The following GLIS3 variants were observed in gnomAD, a reference collection of about 807,000 sequenced individuals.
GLIS3 encodes GLIS family zinc finger 3.
Under a neutral mutation model 78.6 loss-of-function variants are expected in GLIS3, and 53 were observed. The observed-to-expected ratio is 0.67, with a 90% CI of 0.54 to 0.85. The LOEUF (loss-of-function observed/expected upper bound fraction) is 0.85. Among genes scored for constraint, GLIS3 ranks in the 40% least tolerant of loss-of-function variants. GLIS3 has a pLI of 0.00. For missense variants in GLIS3, 1,703 were observed against 1,231.1 expected (o/e 1.38, Z -5.74); for synonymous variants, 684 against 509.9 (o/e 1.34, Z -4.60).
the GLIS3 span, among the ~76,000 whole-genome samples, chr9:4,408,726 CAAAA>C: frequency 3.5e-5 from 2 of 56,758 alleles, no homozygotes; most frequent in Admixed American, 2.0e-4. Context: ...GACTCTGTCT[CAAAA>C]AAAAAAAAAA....
At chr9:3,887,599 C>T (rs1326777732) in intron 7 of GLIS3, among the ~76,000 whole-genome samples, 1 of 152,212 alleles carries the variant, frequency 6.6e-6, no homozygotes, top group Non-Finnish European at 1.5e-5. Flanking sequence ...AATTACATTT[C>T]CACATCATGC....
rs550219728 is a variant in GLIS3, at chr9:4,257,013, A to T, written c.388+29025T>A. On this transcript the variant is annotated intron_variant, in intron 2 of 10. Transcript: ENST00000381971. ...ACATACATATTAACACATATATAGT[A>T]CATATATGTGTTAATATTAATGTAC... 2.6e-5 allele frequency among the ~76,000 whole-genome samples: 4 copies of T among 152,324 alleles called. No individual in the cohort carries two copies. The East Asian group carries it at 7.7e-4, about 29-fold the overall frequency.
intron 2 of GLIS3, among the ~76,000 whole-genome samples, chr9:4,160,414 C>T (rs1336225966): frequency 1.3e-5 from 2 of 152,200 alleles, no homozygotes; most frequent in East Asian, 1.9e-4. Flanking sequence ...GGATCTGATG[C>T]CAGGAAAATG....
chr9:4,196,817 C>T (rs927804207), intron 2 of GLIS3, among the ~76,000 whole-genome samples: 2 of 152,110 alleles, frequency 1.3e-5, no homozygotes, highest in Non-Finnish European at 2.9e-5. Context: ...ACAGTTTCTA[C>T]CACACAATGA....
chr9:3,863,538 G>C (rs978527709), intron 8 of GLIS3, among the ~76,000 whole-genome samples: 1 of 152,234 alleles, frequency 6.6e-6, no homozygotes, highest in East Asian at 1.9e-4. Context: ...CTCCCTATGA[G>C]AGGCTGGGTC....
At chr9:4,161,851 T>G (rs1014248276) in intron 2 of GLIS3, among the ~76,000 whole-genome samples, 3 of 212 alleles carry the variant, frequency 0.014, no homozygotes, top group Non-Finnish European at 0.12. Flanking sequence ...TAATTTTTGT[T>G]TTTTTTTTTT....
At chr9:4,478,734 A>T in the GLIS3 span, among the ~76,000 whole-genome samples, 1 of 152,234 alleles carries the variant, frequency 6.6e-6, no homozygotes, top group African/African-American at 2.4e-5. Flanking sequence ...TATTTAGGGT[A>T]ACCAAATAGT....
At chr9:3,980,263 G>C (rs1048336084) in intron 4 of GLIS3, among the ~76,000 whole-genome samples, 1 of 152,164 alleles carries the variant, frequency 6.6e-6, no homozygotes, top group Admixed American at 6.5e-5. Flanking sequence ...CTTTAAAGCT[G>C]GCATAATTCC....
upstream of GLIS3, among the ~76,000 whole-genome samples, chr9:4,304,483 C>T (rs542595278): frequency 5.9e-5 from 9 of 152,166 alleles, no homozygotes; most frequent in Admixed American, 2.0e-4. Context: ...TGACCCTCTC[C>T]TGTCTGACAC....
At chr9:4,119,205 A>G (rs893939580) in intron 3 of GLIS3, among the ~76,000 whole-genome samples, 4 of 152,236 alleles carry the variant, frequency 2.6e-5, no homozygotes, top group African/African-American at 9.6e-5. Context: ...TATGGGGGAA[A>G]AAGGATAGAG....
At chr9:3,889,010 T>C (rs1220431211) in intron 7 of GLIS3, among the ~76,000 whole-genome samples, 2 of 152,222 alleles carry the variant, frequency 1.3e-5, no homozygotes, top group Non-Finnish European at 2.9e-5. Flanking sequence ...TGCTTTACTT[T>C]AGGCTTTAAT....
At chr9:4,325,413 C>T (rs1052154415) in intron 2 of GLIS3, among the ~76,000 whole-genome samples, 8 of 152,184 alleles carry the variant, frequency 5.3e-5, no homozygotes, top group African/African-American at 1.9e-4. Flanking sequence ...GTTTAAGGAA[C>T]AACATACAGT....
At chr9:4,068,424 C>T (rs940282756) in intron 4 of GLIS3, among the ~76,000 whole-genome samples, 1 of 151,882 alleles carries the variant, frequency 6.6e-6, no homozygotes, top group African/African-American at 2.4e-5. Flanking sequence ...TTATAACTTC[C>T]AAGTTGCAAA....
intron 2 of GLIS3, among the ~76,000 whole-genome samples, chr9:4,203,003 C>G (rs780148639): frequency 1.3e-5 from 2 of 152,088 alleles, no homozygotes; most frequent in Non-Finnish European, 2.9e-5. Flanking sequence ...AACTTCTATA[C>G]GGCAAAAGAA....
intron 2 of GLIS3, among the ~76,000 whole-genome samples, chr9:4,224,521 C>G (rs1253877321): frequency 1.3e-5 from 2 of 152,012 alleles, no homozygotes; most frequent in African/African-American, 4.8e-5. Flanking sequence ...ACTATTTAAC[C>G]TTATGGACAC....
chr9:4,402,392 A>T, the GLIS3 span, among the ~76,000 whole-genome samples: 1 of 152,226 alleles, frequency 6.6e-6, no homozygotes, highest in Non-Finnish European at 1.5e-5. Context: ...TACAATAAGT[A>T]CCAAACTCTT....
chr9:4,068,658 C>G (rs528386937), intron 4 of GLIS3, among the ~76,000 whole-genome samples: 1 of 152,294 alleles, frequency 6.6e-6, no homozygotes, highest in African/African-American at 2.4e-5. Context: ...CATTTGTCAT[C>G]ACCTGCAAAG....
At chr9:4,125,650 G>T (rs1832516606) in intron 3 of GLIS3, 84 bp downstream of exon 3, 1 of 887,620 alleles carries the variant, frequency 1.1e-6, no homozygotes, top group Non-Finnish European at 1.9e-6. Flanking sequence ...GTGTGTGTGT[G>T]TGTGTATTCA....
intron 4 of GLIS3, among the ~76,000 whole-genome samples, chr9:4,088,248 C>T (rs374012920): frequency 6.6e-6 from 1 of 152,258 alleles, no homozygotes; most frequent in Non-Finnish European, 1.5e-5. Context: ...AATTTACCGA[C>T]CTGCCTCCTT....
Sources: allele counts gnomAD v4.1 joint callset (sites outside exome capture counted in the v4.1 genomes callset), GRCh38; gene constraint gnomAD v4.1.1; transcripts MANE v1.5; gene names NCBI Gene and HGNC (gene_info 2026-07-23, HGNC 2026-07-21).